Variants in SYK observed in about 807,000 individuals in gnomAD.
SYK encodes the protein tyrosine-protein kinase SYK.
SYK carries 16 observed loss-of-function variants against 77.8 expected under a neutral mutation model. The ratio of observed to expected loss-of-function variants is 0.21; its 90% CI spans 0.14 to 0.31. The LOEUF (loss-of-function observed/expected upper bound fraction) is 0.31, where lower values mean the gene tolerates loss of function less well. SYK is among the 10% of genes least tolerant of loss of function. SYK has a pLI of 1.00. For synonymous variants in SYK, 312 were observed against 308.7 expected (o/e 1.01, Z -0.11); for missense variants, 529 against 814.4 (o/e 0.65, Z 4.26).
intron 3 of SYK, among the ~76,000 whole-genome samples, chr9:90,859,404 G>A (rs1827164524): frequency 6.6e-6 from 1 of 152,174 alleles, no homozygotes; most frequent in Non-Finnish European, 1.5e-5. Flanking sequence ...AGCATGGAGT[G>A]AGTTTTATGT....
At chr9:90,853,542 T>C (rs1165564137) in intron 3 of SYK, among the ~76,000 whole-genome samples, 1 of 152,026 alleles carries the variant, frequency 6.6e-6, no homozygotes, top group Admixed American at 6.5e-5. Flanking sequence ...TATGCAGCCA[T>C]AAAAAGTGAT....
chr9:90,807,464 G>A (rs925173236), intron 1 of SYK, among the ~76,000 whole-genome samples: 2 of 152,094 alleles, frequency 1.3e-5, no homozygotes, highest in Admixed American at 1.3e-4. Flanking sequence ...CTCTTCTTTT[G>A]TAAATGGAGC....
In SYK at chr9:90,898,298, A is replaced by G. The variant is rs974461425; in HGVS notation, c.*2698A>G. On this transcript the variant is annotated 3_prime_UTR_variant, in exon 14 of 14. Transcript: ENST00000375754. Reference sequence around the variant, plus strand: ...TTTCATCTGAGCGTGTCCTTCTCCCATACTCCCTATCAGCCAGCCCTGCCT... The same window carrying G: ...TTTCATCTGAGCGTGTCCTTCTCCCGTACTCCCTATCAGCCAGCCCTGCCT... 4.4e-6 allele frequency: 1 copy of G among 229,326 alleles called. No homozygotes were observed. Among genetic ancestry groups the G allele is most frequent in the African/African-American group, 2.2e-5 (1 of 45,084 alleles). The allele number at this position is 229,326 out of a possible 1,614,324, so 14.2% of individuals were successfully genotyped here.
rs538003773 is a variant in SYK, at chr9:90,835,780, C to T, written c.-41-8078C>T. Among the ~76,000 whole-genome samples, 22 of 152,308 alleles carry T rather than the reference C, an allele frequency of 1.4e-4. No individual in the cohort carries two copies. In the East Asian group the frequency reaches 4.2e-3, roughly 29 times the overall value. Reference sequence around the variant, plus strand: ...GATTAGTTGCCAGGGTTCTCTGATTCTGGCCCTGTTAGCCTCCATCTGGAC... The same window carrying T: ...GATTAGTTGCCAGGGTTCTCTGATTTTGGCCCTGTTAGCCTCCATCTGGAC... On this transcript the variant is annotated intron_variant, in intron 1 of 13. Coordinates refer to ENST00000375754, the MANE Select transcript of SYK (RefSeq NM_003177.7).
At chr9:90,837,613 G>A (rs115976461) in intron 1 of SYK, among the ~76,000 whole-genome samples, 2,265 of 152,152 alleles carry the variant, frequency 0.015, 36 homozygotes, top group Middle Eastern at 0.071. Context: ...GAAGATTTGC[G>A]ATGTGATGTG....
At chr9:90,841,747 G>T (rs1408397738) in intron 1 of SYK, among the ~76,000 whole-genome samples, 3 of 151,318 alleles carry the variant, frequency 2.0e-5, no homozygotes, top group African/African-American at 7.3e-5. Flanking sequence ...TATGTATTTT[G>T]TGTGTGTGGT....
Position 90,896,056 on chromosome 9 carries a change from G to A in SYK, c.*456G>A. 4.2e-6 allele frequency: 1 copy of A among 236,118 alleles called. No homozygotes were observed. 14.6% of individuals were successfully genotyped at this position (236,118 alleles called of 1,614,324 possible). Reference sequence around the variant, plus strand: ...TCCTGAAGGGAAGGCAAAGGCAGAGGAATTTGGCTGCTTCTACGGCCATGA... The same window carrying A: ...TCCTGAAGGGAAGGCAAAGGCAGAGAAATTTGGCTGCTTCTACGGCCATGA... On this transcript the variant is annotated 3_prime_UTR_variant, in exon 14 of 14. Coordinates refer to ENST00000375754, the MANE Select transcript of SYK (RefSeq NM_003177.7).
At chr9:90,861,275 C>T (rs1382091381) in intron 3 of SYK, among the ~76,000 whole-genome samples, 1 of 152,108 alleles carries the variant, frequency 6.6e-6, no homozygotes, top group African/African-American at 2.4e-5. Flanking sequence ...CCCTGCCTGG[C>T]ATCAGACTCC....
At chr9:90,880,771 CAG>C (rs1444492492) in intron 11 of SYK, among the ~76,000 whole-genome samples, 1 of 152,256 alleles carries the variant, frequency 6.6e-6, no homozygotes, top group Non-Finnish European at 1.5e-5. Context: ...TCTGCTCACA[CAG>C]GGGATTGCAC....
At chr9:90,829,108 G>A (rs965882265) in intron 1 of SYK, among the ~76,000 whole-genome samples, 25 of 152,184 alleles carry the variant, frequency 1.6e-4, no homozygotes, top group African/African-American at 5.8e-4. Context: ...GGCCAACATA[G>A]TGAAACCCTG....
intron 3 of SYK, among the ~76,000 whole-genome samples, chr9:90,848,495 A>G (rs1344230679): frequency 6.6e-6 from 1 of 152,228 alleles, no homozygotes; most frequent in Non-Finnish European, 1.5e-5. Context: ...ATTTGCAACG[A>G]ATAGCCACAG....
At chr9:90,867,365 G>A (rs1032998819) in intron 7 of SYK, among the ~76,000 whole-genome samples, 166 bp downstream of exon 7, 4 of 152,094 alleles carry the variant, frequency 2.6e-5, no homozygotes, top group Admixed American at 1.3e-4. Context: ...GGGCAGCCGC[G>A]CCCCAGGTAC....
At chr9:90,872,613 T>C (rs1366059949) in intron 7 of SYK, among the ~76,000 whole-genome samples, 1 of 152,236 alleles carries the variant, frequency 6.6e-6, no homozygotes, top group Non-Finnish European at 1.5e-5. Context: ...CCTGTAATCA[T>C]ATGTAAATGT....
At chr9:90,885,497 A>C (rs1187066909) in intron 11 of SYK, among the ~76,000 whole-genome samples, 1 of 152,222 alleles carries the variant, frequency 6.6e-6, no homozygotes, top group Non-Finnish European at 1.5e-5. Context: ...AAGAGAAAAG[A>C]ATAAAAAAGA....
At chr9:90,874,533 G>T in intron 8 of SYK, 139 bp from the exon 9 acceptor site, 1 of 1,149,312 alleles carries the variant, frequency 8.7e-7, no homozygotes, top group Non-Finnish European at 1.2e-6. Flanking sequence ...AAATGTCCCT[G>T]CCACTCTTCA....
At chr9:90,844,399 C>G in intron 2 of SYK, 84 bp downstream of exon 2, 1 of 1,372,358 alleles carries the variant, frequency 7.3e-7, no homozygotes, top group Non-Finnish European at 9.6e-7. Flanking sequence ...AACACATGTG[C>G]CTATGTGCCC....
At chr9:90,891,287 A>G (rs1828782587) in intron 13 of SYK, among the ~76,000 whole-genome samples, 1 of 151,894 alleles carries the variant, frequency 6.6e-6, no homozygotes, top group Non-Finnish European at 1.5e-5. Context: ...CTGGGACTAC[A>G]GGCGCCCGCC....
At chr9:90,815,440 T>C (rs1825254505) in intron 1 of SYK, among the ~76,000 whole-genome samples, 1 of 152,170 alleles carries the variant, frequency 6.6e-6, no homozygotes, top group Non-Finnish European at 1.5e-5. Flanking sequence ...GTCTCTGGAG[T>C]TCCTGTGCTG....
Position 90,897,797 on chromosome 9 carries a change from G to A in SYK, c.*2197G>A, listed in dbSNP as rs998631704. On this transcript the variant is annotated 3_prime_UTR_variant, in exon 14 of 14. Coordinates refer to ENST00000375754, the MANE Select transcript of SYK (RefSeq NM_003177.7). ...ATCTCCTGAGCCTCTCTGCTTGGTGGAGCAGGCACCTGTGTGCAGAATTCC... is the reference window on the plus strand; with the variant it reads ...ATCTCCTGAGCCTCTCTGCTTGGTGAAGCAGGCACCTGTGTGCAGAATTCC... 2.2e-5 allele frequency: 5 copies of A among 222,884 alleles called. No homozygotes were observed. The highest frequency in any genetic ancestry group is 4.5e-5 in the Non-Finnish European group (5 of 111,702). The allele number at this position is 222,884 out of a possible 1,614,324, so 13.8% of individuals were successfully genotyped here.
Sources: gnomAD v4.1 joint callset for allele counts (sites outside exome capture counted in the v4.1 genomes callset) on GRCh38, gnomAD v4.1.1 for gene constraint, MANE v1.5 for transcripts, NCBI Gene and HGNC (gene_info 2026-07-23, HGNC 2026-07-21) for gene names.